Variants in CACNA1C observed in about 807,000 individuals in gnomAD.
CACNA1C encodes the protein calcium voltage-gated channel subunit alpha1 C.
CACNA1C carries 30 observed loss-of-function variants against 229.0 expected under a neutral mutation model. The ratio of observed to expected loss-of-function variants is 0.13; its 90% CI spans 0.10 to 0.18. The LOEUF (loss-of-function observed/expected upper bound fraction) is 0.18. CACNA1C is among the 10% of genes least tolerant of loss of function. CACNA1C has a pLI of 1.00. For synonymous variants in CACNA1C, 1,114 were observed against 1,132.5 expected (o/e 0.98, Z 0.33); for missense variants, 1,658 against 2,845.0 (o/e 0.58, Z 9.49).
intron 1 of CACNA1C, among the ~76,000 whole-genome samples, chr12:2,064,328 A>G (rs1222445948): frequency 6.6e-6 from 1 of 152,164 alleles, no homozygotes; most frequent in Non-Finnish European, 1.5e-5. Context: ...AGGAGCACCC[A>G]TGTCTGTGGC....
chr12:2,511,149 T>C (rs2099782824), intron 8 of CACNA1C, among the ~76,000 whole-genome samples: 1 of 151,996 alleles, frequency 6.6e-6, no homozygotes, highest in Admixed American at 6.6e-5. Flanking sequence ...AAGAAGAAAA[T>C]TCAATCCAAA....
At chr12:2,472,407 T>C (rs2099598153) in intron 5 of CACNA1C, among the ~76,000 whole-genome samples, 1 of 152,198 alleles carries the variant, frequency 6.6e-6, no homozygotes. Context: ...TTAAGCCTAT[T>C]CATAATTTTT....
At chr12:2,452,247 C>T (rs1340138847) in intron 4 of CACNA1C, among the ~76,000 whole-genome samples, 1 of 152,102 alleles carries the variant, frequency 6.6e-6, no homozygotes, top group African/African-American at 2.4e-5. Context: ...CGTGGCATTT[C>T]TTTCCTTCCT....
intron 3 of CACNA1C, among the ~76,000 whole-genome samples, chr12:2,342,310 T>C (rs2096888414): frequency 1.3e-5 from 2 of 152,216 alleles, no homozygotes; most frequent in African/African-American, 4.8e-5. Flanking sequence ...CTGCCCTGTC[T>C]CGTCACTTAT....
intron 1 of CACNA1C, among the ~76,000 whole-genome samples, chr12:2,094,528 C>T (rs1359516553): frequency 6.6e-6 from 1 of 152,222 alleles, no homozygotes; most frequent in East Asian, 1.9e-4. Flanking sequence ...CCAGCACCCA[C>T]TAGTGAATTG....
At chr12:2,247,876 A>G (rs2074029396) in intron 3 of CACNA1C, among the ~76,000 whole-genome samples, 1 of 152,172 alleles carries the variant, frequency 6.6e-6, no homozygotes, top group South Asian at 2.1e-4. Flanking sequence ...AGCAAGAAAC[A>G]GTACATGGAA....
chr12:2,490,962 A>G (rs1027388282), intron 6 of CACNA1C, among the ~76,000 whole-genome samples: 3 of 152,244 alleles, frequency 2.0e-5, no homozygotes, highest in Non-Finnish European at 4.4e-5. Context: ...AGCATTATTC[A>G]TAATAGCCCA....
chr12:2,159,128 G>C (rs1456949292), intron 3 of CACNA1C, among the ~76,000 whole-genome samples: 1 of 152,160 alleles, frequency 6.6e-6, no homozygotes. Flanking sequence ...GGGCAGGTTG[G>C]GGAGGGGGGT....
Position 2,597,550 on chromosome 12 carries a change from C to A in CACNA1C, c.2853+261C>A, listed in dbSNP as rs1049840306. On this transcript the variant is annotated intron_variant, in intron 21 of 46. Coordinates refer to ENST00000399655, the MANE Select transcript of CACNA1C (RefSeq NM_000719.7). This position sits in a 1 kb window ranked among gnomAD's most constrained non-coding sequence, Gnocchi z 4.3. ...GTCGCTTTCTTTGTCTATCTCTGCTCTGTGTGGCTGGATCTTTTGTCTTTT... is the reference window on the plus strand; with the variant it reads ...GTCGCTTTCTTTGTCTATCTCTGCTATGTGTGGCTGGATCTTTTGTCTTTT... 12 of 1,122,660 alleles carry A rather than the reference C, an allele frequency of 1.1e-5. No homozygotes were observed. The highest frequency in any genetic ancestry group is 4.6e-5 in the African/African-American group (3 of 65,392). The allele number at this position is 1,122,660 out of a possible 1,614,324, so 69.5% of individuals were successfully genotyped here.
chr12:2,592,701 G>T (rs1351077597), intron 18 of CACNA1C, among the ~76,000 whole-genome samples: 1 of 91,326 alleles, frequency 1.1e-5, no homozygotes, highest in Non-Finnish European at 2.1e-5. Flanking sequence ...GACAGCACAT[G>T]AATTTTTTTT....
At chr12:2,609,157 G>T (rs993497569) in intron 27 of CACNA1C, among the ~76,000 whole-genome samples, 8 of 152,188 alleles carry the variant, frequency 5.3e-5, no homozygotes, top group Non-Finnish European at 1.0e-4. Context: ...AGAGGCTTGT[G>T]TGGGAGGTGG....
intron 1 of CACNA1C, among the ~76,000 whole-genome samples, chr12:2,011,626 A>G (rs930817549): frequency 6.6e-6 from 1 of 152,206 alleles, no homozygotes; most frequent in Non-Finnish European, 1.5e-5. Context: ...AATCTTTACA[A>G]ACATGTAGAA....
chr12:2,544,192 A>G (rs1262401795), intron 9 of CACNA1C, among the ~76,000 whole-genome samples: 3 of 152,008 alleles, frequency 2.0e-5, no homozygotes, highest in East Asian at 1.9e-4. Flanking sequence ...TCTGTTCCAC[A>G]CTTTGTACCT....
At chr12:2,324,545 C>A (rs557497677) in intron 3 of CACNA1C, among the ~76,000 whole-genome samples, 2 of 152,230 alleles carry the variant, frequency 1.3e-5, no homozygotes, top group African/African-American at 2.4e-5. Flanking sequence ...GCCCGGGCCC[C>A]GCCTCCCCAG....
intron 32 of CACNA1C, among the ~76,000 whole-genome samples, chr12:2,652,024 G>A (rs2095042519): frequency 6.6e-6 from 1 of 152,116 alleles, no homozygotes; most frequent in Non-Finnish European, 1.5e-5. Context: ...GGCAGAAAGG[G>A]TCTGCCTTAC....
chr12:2,210,548 GT>G (rs1258069829), intron 3 of CACNA1C, among the ~76,000 whole-genome samples: 2 of 152,184 alleles, frequency 1.3e-5, no homozygotes, highest in African/African-American at 4.8e-5. Flanking sequence ...GTTGACTCAA[GT>G]TTATAAGTGG....
intron 7 of CACNA1C, among the ~76,000 whole-genome samples, chr12:2,499,526 T>C (rs558740371): frequency 1.4e-4 from 21 of 152,290 alleles, no homozygotes; most frequent in Admixed American, 2.6e-4. Flanking sequence ...AAAAGTGGAC[T>C]TGAGGGTTTA....
chr12:2,308,173 G>C (rs559199682), intron 3 of CACNA1C, among the ~76,000 whole-genome samples: 18 of 152,264 alleles, frequency 1.2e-4, no homozygotes, highest in African/African-American at 4.3e-4. Flanking sequence ...TGTCCAAGTG[G>C]GTTAGAGAAA....
intron 1 of CACNA1C, among the ~76,000 whole-genome samples, chr12:1,990,455 C>CT (rs2039076953): frequency 6.6e-6 from 1 of 152,102 alleles, no homozygotes; most frequent in Non-Finnish European, 1.5e-5. Context: ...TATCAAGCAT[C>CT]TTTTTTTGGC....
Sources: allele counts gnomAD v4.1 joint callset (sites outside exome capture counted in the v4.1 genomes callset), GRCh38; gene constraint gnomAD v4.1.1; non-coding constraint Gnocchi (gnomAD v3.1); transcripts MANE v1.5; gene names NCBI Gene and HGNC (gene_info 2026-07-23, HGNC 2026-07-21).